SUPT16H: variants seen among roughly 807,000 people sequenced by gnomAD.
SUPT16H encodes the protein FACT complex subunit SPT16.
A neutral mutation model predicts 136.2 loss-of-function variants in SUPT16H; 24 were observed. That is an observed-to-expected ratio of 0.18 (90% CI 0.13 to 0.25). SUPT16H has a LOEUF of 0.25. Among genes scored for constraint, SUPT16H ranks in the 10% least tolerant of loss-of-function variants. The pLI is 1.00. For missense variants in SUPT16H, 623 were observed against 1,270.2 expected, an observed-to-expected ratio of 0.49 and a Z score of 7.74; for synonymous variants, 415 against 428.2, an observed-to-expected ratio of 0.97 and a Z score of 0.38.
intron 21 of SUPT16H, 78 bp downstream of exon 21, chr14:21,357,846 CAAT>C: frequency 7.6e-7 from 1 of 1,320,000 alleles, no homozygotes; most frequent in Non-Finnish European, 1.1e-6. Context: ...ATGAAAATGA[CAAT>C]AATTAGGATA....
chr14:21,358,733 C>T (rs1886486372), intron 19 of SUPT16H, among the ~76,000 whole-genome samples: 1 of 152,198 alleles, frequency 6.6e-6, no homozygotes, highest in Admixed American at 6.5e-5. Context: ...GCAACCTAAG[C>T]CTAAACTCTT....
Position 21,362,212 on chromosome 14 carries a change from G to A in SUPT16H, c.1778C>T (p.Thr593Ile). ...GGGGACTCACATTTCCTTGACAAAA[G>A]TCGCTTCAGGGTTAGGAAAGATGTT... ...EGNIFPNPEA[T>I]FVKEITYRAS... The change falls in exon 15 of 26, where the codon ACT becomes ATT. Residue 593 changes from threonine to isoleucine, a missense_variant. Thr to Ile is a moderately conservative substitution (Grantham distance 89). Transcript: ENST00000216297. The A allele has an allele frequency of 6.2e-7, 1 of 1,611,690 alleles. No homozygotes were observed. Among genetic ancestry groups the A allele is most frequent in the Non-Finnish European group, 8.5e-7 (1 of 1,179,764 alleles).
intron 1 of SUPT16H, among the ~76,000 whole-genome samples, chr14:21,379,023 G>A (rs893267558): frequency 6.6e-6 from 1 of 152,152 alleles, no homozygotes; most frequent in Non-Finnish European, 1.5e-5. Context: ...AAAAAAGAAA[G>A]TATTTTTGCA....
Position 21,352,413 on chromosome 14 carries a change from A to G in SUPT16H, c.*260T>C, listed in dbSNP as rs968861510. 5 of 480,072 alleles carry G rather than the reference A, an allele frequency of 1.0e-5. No individual in the cohort carries two copies. The highest frequency in any genetic ancestry group is 7.7e-5 in the African/African-American group (4 of 51,660). 29.7% of individuals were successfully genotyped at this position (480,072 alleles called of 1,614,324 possible). On this transcript the variant is annotated 3_prime_UTR_variant, in exon 26 of 26. Coordinates refer to ENST00000216297, the MANE Select transcript of SUPT16H (RefSeq NM_007192.4). Reference sequence around the variant, plus strand: ...TGACAGGAAGAGAGAAGAATGAAACAATATTTATTAACAGCGGGAGCCTCC... The same window carrying G: ...TGACAGGAAGAGAGAAGAATGAAACGATATTTATTAACAGCGGGAGCCTCC...
chr14:21,361,824 C>G (rs950557898), intron 15 of SUPT16H, among the ~76,000 whole-genome samples: 2 of 151,754 alleles, frequency 1.3e-5, no homozygotes, highest in East Asian at 3.9e-4. Context: ...GGATGGAGTA[C>G]AGGCAAGATC....
chr14:21,368,976 T>A (rs547486876), intron 6 of SUPT16H, among the ~76,000 whole-genome samples: 7 of 151,906 alleles, frequency 4.6e-5, no homozygotes, highest in African/African-American at 1.7e-4. Context: ...AAACATAAAG[T>A]AAGATAGAAG....
chr14:21,352,884 C>T, intron 25 of SUPT16H, 66 bp from the exon 26 acceptor site: 2 of 1,603,456 alleles, frequency 1.2e-6, no homozygotes, highest in African/African-American at 1.3e-5. Flanking sequence ...TACTGGATAG[C>T]ATGAGATAGT....
chr14:21,358,146 A>G (rs1566382485), intron 20 of SUPT16H, 144 bp from the exon 21 acceptor site: 3 of 832,090 alleles, frequency 3.6e-6, no homozygotes, highest in Non-Finnish European at 5.7e-6. Context: ...CTTAAGAGTT[A>G]GCCACTCACC....
chr14:21,371,305 G>A (rs1382162008), intron 3 of SUPT16H, among the ~76,000 whole-genome samples: 1 of 151,806 alleles, frequency 6.6e-6, no homozygotes, highest in Non-Finnish European at 1.5e-5. Flanking sequence ...CTTTTTTTAA[G>A]AGAAGGGGTC....
intron 4 of SUPT16H, among the ~76,000 whole-genome samples, chr14:21,370,107 C>G (rs931548804): frequency 5.3e-5 from 8 of 152,114 alleles, no homozygotes; most frequent in African/African-American, 1.9e-4. Context: ...AGGTGTTAAG[C>G]TAATGTACCA....
In SUPT16H at chr14:21,353,714, G is replaced by T. The variant is rs143874908; in HGVS notation, c.2909C>A (p.Ala970Glu). 6 of 1,613,408 alleles carry T rather than the reference G, an allele frequency of 3.7e-6. No individual in the cohort carries two copies. The African/African-American group carries it at 8.0e-5, about 22-fold the overall frequency. The change falls in exon 24 of 26, where the codon GCA (alanine) becomes GAA (glutamate). Residue 970 changes from alanine to glutamate, a missense_variant. By Grantham distance (107) the Ala-to-Glu change is moderately radical. Around this residue, in one of 7 missense-constraint regions of SUPT16H, gnomAD observed 88 missense variants for 135.5 expected, o/e 0.65. Transcript: ENST00000216297. ...EDSDEDYSSE[A>E]EESDYSKESL... ...TCTGTAAGACTAACCTGACTCTTCTGCTTCTGATGAATAATCTTCATCACT... is the reference window on the plus strand; with the variant it reads ...TCTGTAAGACTAACCTGACTCTTCTTCTTCTGATGAATAATCTTCATCACT...
chr14:21,363,720 C>T lies in SUPT16H; in HGVS notation c.1234-217G>A, dbSNP rs372876306. Among the ~76,000 whole-genome samples the T allele has an allele frequency of 3.3e-5, 5 of 152,008 alleles. No homozygotes were observed. The South Asian group carries it at 6.2e-4, about 19-fold the overall frequency. The stretch of plus-strand genomic sequence containing the variant: ...TGAGACAGAGTTTCACTCTTGTCAA[C>T]GAGGCTGGAGTGCAATGGCGTGACC... On this transcript the variant is annotated intron_variant, in intron 10 of 25. Transcript: ENST00000216297.
At chr14:21,383,502 G>A (rs1037057105) in intron 1 of SUPT16H, 1 of 619,276 alleles carries the variant, frequency 1.6e-6, no homozygotes, top group East Asian at 2.8e-5. Flanking sequence ...GGTTCTGGAG[G>A]GACAGAGCGA....
intron 1 of SUPT16H, 64 bp downstream of exon 1, chr14:21,383,798 G>C: frequency 6.3e-7 from 1 of 1,588,082 alleles, no homozygotes; most frequent in Non-Finnish European, 8.6e-7. Flanking sequence ...AGGGCGCCGA[G>C]AAACAGGGTT....
chr14:21,369,795 G>C lies in SUPT16H; in HGVS notation c.585C>G (p.Asn195Lys), dbSNP rs781173989. ...CCATGACTCTTTCCTTGAAGAATTTGTTGAAGACTTCAGAAGTGATGCTGG... is the reference window on the plus strand; with the variant it reads ...CCATGACTCTTTCCTTGAAGAATTTCTTGAAGACTTCAGAAGTGATGCTGG... ...KAASITSEVF[N>K]KFFKERVMEI... The change falls in exon 5 of 26, where the codon AAC (asparagine) becomes AAG (lysine). Residue 195 changes from asparagine to lysine, a missense_variant. By Grantham distance (94) the Asn-to-Lys change is moderately conservative. Transcript: ENST00000216297. 1 of 1,614,106 alleles carries C rather than the reference G, an allele frequency of 6.2e-7. No individual in the cohort carries two copies. The highest frequency in any genetic ancestry group is 8.5e-7 in the Non-Finnish European group (1 of 1,180,018).
At chr14:21,364,995 G>A (rs1886636169) in intron 9 of SUPT16H, 56 bp from the exon 10 acceptor site, 3 of 1,605,204 alleles carry the variant, frequency 1.9e-6, no homozygotes, top group African/African-American at 1.3e-5. Context: ...AGAGGTGTGA[G>A]ACATATGCCT....
At chr14:21,360,371 T>C in intron 18 of SUPT16H, 44 bp downstream of exon 18, 1 of 1,383,688 alleles carries the variant, frequency 7.2e-7, no homozygotes, top group Non-Finnish European at 1.0e-6. Flanking sequence ...TGAAATGAAG[T>C]GTCTTGCCCA....
intron 22 of SUPT16H, among the ~76,000 whole-genome samples, chr14:21,355,290 C>T (rs1328192668): frequency 6.6e-6 from 1 of 151,932 alleles, no homozygotes; most frequent in Non-Finnish European, 1.5e-5. Context: ...GTCAGGAGAT[C>T]GAGACCATCT....
chr14:21,383,996 G>A lies in SUPT16H; in HGVS notation c.-69C>T. ...GGTCCCGGCTCAGCCACCCGCTCTC[G>A]GCCCAGGAATCCCGCACTCTCCCAA... On this transcript the variant is annotated 5_prime_UTR_variant, in exon 1 of 26. Coordinates refer to ENST00000216297, the MANE Select transcript of SUPT16H (RefSeq NM_007192.4). 6.3e-7 allele frequency: 1 copy of A among 1,583,342 alleles called. No individual in the cohort carries two copies. The highest frequency in any genetic ancestry group is 2.2e-5 in the East Asian group (1 of 44,736).
Sources: allele counts gnomAD v4.1 joint callset (sites outside exome capture counted in the v4.1 genomes callset), GRCh38; gene constraint gnomAD v4.1.1; regional missense constraint gnomAD v4.1.1; transcripts MANE v1.5; gene names NCBI Gene and HGNC (gene_info 2026-07-23, HGNC 2026-07-21).